Variants in PRAMEF2 observed in about 807,000 individuals in gnomAD.
PRAMEF2 encodes PRAME family member 2.
In PRAMEF2, 35 loss-of-function variants were observed where a neutral mutation model predicts 38.0. That is an observed-to-expected ratio of 0.92 (90% CI 0.70 to 1.22). The LOEUF (loss-of-function observed/expected upper bound fraction) is 1.22. Among genes scored for constraint, PRAMEF2 ranks in the 50% most tolerant of loss-of-function variants. PRAMEF2 has a pLI of 0.00. For missense variants in PRAMEF2, 562 were observed against 553.9 expected (o/e 1.01, Z -0.15); for synonymous variants, 240 against 232.4 (o/e 1.03, Z -0.30).
rs1437661761 is a variant in PRAMEF2, at chr1:12,859,114, C to G, written c.105C>G (p.Leu35=). Residue 35 remains leucine, a synonymous_variant, in exon 2 of 4, where the codon CTC becomes CTG. Coordinates refer to ENST00000240189, the MANE Select transcript of PRAMEF2 (RefSeq NM_023014.1). ...CCATGGAGGAGCTGCCCAGGGTGCT[C>G]TATCTCCCACTCTTCAGGGAGGCCT... ...ISAMEELPRV[L]YLPLFREAFS... is the part of the protein sequence containing the mutation. 2.5e-6 allele frequency: 4 copies of G among 1,606,352 alleles called. No individual in the cohort carries two copies. The highest frequency in any genetic ancestry group is 2.5e-6 in the Non-Finnish European group (3 of 1,176,740).
In PRAMEF2 at chr1:12,859,232, C is replaced by T. The variant is rs368053646; in HGVS notation, c.223C>T (p.Leu75=). Residue 75 remains leucine (L), a synonymous_variant, in exon 2 of 4, where the codon CTG becomes TTG. Coordinates refer to ENST00000240189, the MANE Select transcript of PRAMEF2 (RefSeq NM_023014.1). ...GGTATCGCTGATGAAGACGCTTCAT[C>T]TGGAGCCATTGAAAGCATTGCTGGA... ...PLVSLMKTLH[L]EPLKALLEGL... is the part of the protein sequence containing the mutation. 2 of 1,610,466 alleles carry T rather than the reference C, an allele frequency of 1.2e-6. No individual in the cohort carries two copies. The highest frequency in any genetic ancestry group is 1.7e-6 in the Non-Finnish European group (2 of 1,178,794).
In PRAMEF2 at chr1:12,860,139, A is replaced by G. The variant is rs115914708; in HGVS notation, c.734A>G (p.Tyr245Cys). The G allele has an allele frequency of 6.2e-7, 1 of 1,606,902 alleles. No homozygotes were observed. The highest frequency in any genetic ancestry group is 1.1e-5 in the South Asian group (1 of 90,508). ...CKLVFSRCHH[Y>C]TSDNELEGWL... is the part of the protein sequence containing the mutation. The stretch of plus-strand genomic sequence containing the variant: ...CTCGTTTTCTCCAGGTGCCATCATT[A>G]CACGTCAGATAATGAACTCGAGGGA... The change falls in exon 3 of 4, where the codon TAC becomes TGC. Residue 245 changes from tyrosine (Y) to cysteine (C), a missense_variant. Physicochemically the swap from Tyr to Cys is radical, Grantham distance 194. This residue lies in a region of PRAMEF2 where 486 missense variants were observed against 444.2 expected (regional missense o/e 1.09). Coordinates refer to ENST00000240189, the MANE Select transcript of PRAMEF2 (RefSeq NM_023014.1).
chr1:12,859,853 T>A lies in PRAMEF2; in HGVS notation c.448T>A (p.Phe150Ile). Residue 150 changes from phenylalanine to isoleucine, a missense_variant, in exon 3 of 4, where the codon TTC becomes ATC. By Grantham distance (21) the Phe-to-Ile change is conservative (BLOSUM62 0). Coordinates refer to ENST00000240189, the MANE Select transcript of PRAMEF2 (RefSeq NM_023014.1). The part of the protein sequence containing the change: ...RTGEHQPLKV[F>I]IDICLKEIPQ... ...GGGAGAGCACCAGCCCTTAAAGGTGTTCATAGACATCTGCCTCAAGGAAAT... is the reference window on the plus strand; with the variant it reads ...GGGAGAGCACCAGCCCTTAAAGGTGATCATAGACATCTGCCTCAAGGAAAT... 1 of 1,598,008 alleles carries A rather than the reference T, an allele frequency of 6.3e-7. No homozygotes were observed. Among genetic ancestry groups the A allele is most frequent in the Non-Finnish European group, 8.5e-7 (1 of 1,171,116 alleles).
At chr1:12,857,363 G>A (rs1190143154) in intron 1 of PRAMEF2, among the ~76,000 whole-genome samples, 3 of 149,172 alleles carry the variant, frequency 2.0e-5, no homozygotes, top group African/African-American at 7.4e-5. Flanking sequence ...TCTTATGGAA[G>A]CAGGTTTTTT....
rs1186878538 is a variant in PRAMEF2, at chr1:12,857,461, A to T, written c.-26+314A>T. 1.4e-5 allele frequency among the ~76,000 whole-genome samples: 2 copies of T among 145,968 alleles called. 1 individual carries two copies. The highest frequency in any genetic ancestry group is 3.0e-5 in the Non-Finnish European group (2 of 66,370). On this transcript the variant is annotated intron_variant, in intron 1 of 3. Transcript: ENST00000240189. ...TTTTTGTGCCTTTCAATTACAGTTC[A>T]TAGACTTGGTGTTATTGTGATCCTC...
intron 1 of PRAMEF2, 105 bp from the exon 2 acceptor site, chr1:12,858,880 G>A: frequency 7.5e-7 from 1 of 1,326,182 alleles, no homozygotes; most frequent in South Asian, 1.4e-5. Context: ...GGGTAAAGTG[G>A]TAATTTTTCT....
rs1485905712 is a variant in PRAMEF2, at chr1:12,858,029, A to G, written c.-26+882A>G. Among the ~76,000 whole-genome samples, 3 of 147,554 alleles carry G rather than the reference A, an allele frequency of 2.0e-5. 1 individual carries two copies. The highest frequency in any genetic ancestry group is 7.1e-5 in the Admixed American group (1 of 14,176). The stretch of plus-strand genomic sequence containing the variant: ...TAGCATTTCTATACATACCTTCCAA[A>G]TGCTGTGGAATACCATCACACCACT... On this transcript the variant is annotated intron_variant, in intron 1 of 3. Transcript: ENST00000240189.
Position 12,859,885 on chromosome 1 carries a change from G to A in PRAMEF2, c.480G>A (p.Gln160=). ...ACATCTGCCTCAAGGAAATACCCCAGGATGAATGCCTGAGATACCTCTTCC... is the reference window on the plus strand; with the variant it reads ...ACATCTGCCTCAAGGAAATACCCCAAGATGAATGCCTGAGATACCTCTTCC... ...FIDICLKEIP[Q]DECLRYLFQW... The change falls in exon 3 of 4, where the codon CAG becomes CAA. Residue 160 remains glutamine (Q), a synonymous_variant. Coordinates refer to ENST00000240189, the MANE Select transcript of PRAMEF2 (RefSeq NM_023014.1). The A allele has an allele frequency of 6.2e-7, 1 of 1,608,252 alleles. No individual in the cohort carries two copies. The highest frequency in any genetic ancestry group is 1.1e-5 in the South Asian group (1 of 90,840).
chr1:12,859,990 C>T lies in PRAMEF2; in HGVS notation c.585C>T (p.Leu195=). The T allele has an allele frequency of 1.2e-6, 2 of 1,607,622 alleles. 1 individual carries two copies. Among genetic ancestry groups the T allele is most frequent in the Non-Finnish European group, 1.7e-6 (2 of 1,176,828 alleles). The change falls in exon 3 of 4, where the codon CTC becomes CTT. Residue 195 remains leucine (L), a synonymous_variant. Transcript: ENST00000240189. The part of the protein sequence containing the change: ...LVNYLTPIKY[L]RKSLKIIYIN... ...ATTATCTAACGCCAATTAAATATCT[C>T]AGAAAGTCATTGAAAATAATATACA...
At chr1:12,860,844 T>C (rs1415797879) in intron 3 of PRAMEF2, among the ~76,000 whole-genome samples, 4 of 149,388 alleles carry the variant, frequency 2.7e-5, no homozygotes. Flanking sequence ...TGCAGGCATG[T>C]CAGGGAGCCC....
rs1187255986 is a variant in PRAMEF2, at chr1:12,860,094, A to G, written c.689A>G (p.Glu230Gly). ...AGAAAGCTTTATTGTTACCTGAAGG[A>G]GATGAAGACTCTTTGCAAACTCGTT... Reference protein sequence around the residue: ...LIRKLYCYLKEMKTLCKLVFS... With the variant: ...LIRKLYCYLKGMKTLCKLVFS... Residue 230 changes from glutamate to glycine, a missense_variant, in exon 3 of 4, where the codon GAG becomes GGG. Coordinates refer to ENST00000240189, the MANE Select transcript of PRAMEF2 (RefSeq NM_023014.1). 3.7e-6 allele frequency: 6 copies of G among 1,606,590 alleles called. No homozygotes were observed. Among genetic ancestry groups the G allele is most frequent in the Non-Finnish European group, 5.1e-6 (6 of 1,176,422 alleles).
At position 12,859,498 on chromosome 1, in the gene PRAMEF2, G is replaced by A. The variant is rs2179186; in HGVS notation, c.288-195G>A. Among the ~76,000 whole-genome samples, 12 of 151,038 alleles carry A rather than the reference G, an allele frequency of 7.9e-5. No homozygotes were observed. In the South Asian group the frequency reaches 2.1e-3, roughly 26 times the overall value. On this transcript the variant is annotated intron_variant, in intron 2 of 3. Transcript: ENST00000240189. Reference sequence around the variant, plus strand: ...AGGGTCCACTGTGGGAACAGAAGCCGGCCTTTACTCAGTGGAAGGTAAAGG... The same window carrying A: ...AGGGTCCACTGTGGGAACAGAAGCCAGCCTTTACTCAGTGGAAGGTAAAGG...
rs75838083 is a variant in PRAMEF2, at chr1:12,859,768, C to G, written c.363C>G (p.Ala121=). 5.9e-5 allele frequency: 94 copies of G among 1,605,872 alleles called. 2 individuals are homozygous for G. The East Asian group carries it at 1.9e-3, about 33-fold the overall frequency. The part of the protein sequence containing the change: ...NFWARWPGAW[A]LSCFPEAMSK... Reference sequence around the variant, plus strand: ...GGGCCAGATGGCCTGGAGCCTGGGCCCTGTCCTGCTTCCCAGAGGCCATGA... The same window carrying G: ...GGGCCAGATGGCCTGGAGCCTGGGCGCTGTCCTGCTTCCCAGAGGCCATGA... The change falls in exon 3 of 4, where the codon GCC becomes GCG. Residue 121 remains alanine, a synonymous_variant. Transcript: ENST00000240189.
intron 1 of PRAMEF2, among the ~76,000 whole-genome samples, chr1:12,858,227 C>T (rs1442727696): frequency 6.7e-6 from 1 of 150,066 alleles, no homozygotes; most frequent in East Asian, 2.0e-4. Flanking sequence ...TGCATGACCA[C>T]ACCTGGCTAA....
intron 3 of PRAMEF2, 32 bp downstream of exon 3, chr1:12,860,303 C>G: frequency 6.2e-7 from 1 of 1,603,856 alleles, no homozygotes; most frequent in Non-Finnish European, 8.5e-7. Context: ...TGTATGCAGA[C>G]CACAGCACAG....
chr1:12,860,819 CAGTT>C lies in PRAMEF2; in HGVS notation c.867-401_867-398del, dbSNP rs991430840. Among the ~76,000 whole-genome samples the C allele has an allele frequency of 2.0e-5, 3 of 149,992 alleles. 1 individual carries two copies. Among genetic ancestry groups the C allele is most frequent in the African/African-American group, 7.4e-5 (3 of 40,768 alleles). ...TAGGCGTGAGAGTGGTAAAAAGTGA[CAGTT>C]GGTTTGCAGATGCAGGCATGTCAGG... On this transcript the variant is annotated intron_variant, in intron 3 of 3. Coordinates refer to ENST00000240189, the MANE Select transcript of PRAMEF2 (RefSeq NM_023014.1).
intron 2 of PRAMEF2, 129 bp downstream of exon 2, chr1:12,859,425 G>A: frequency 5.2e-6 from 8 of 1,528,914 alleles, no homozygotes; most frequent in Non-Finnish European, 7.1e-6. Flanking sequence ...AGCTCAGGGA[G>A]GCTTTGGCCA....
Position 12,861,220 on chromosome 1 carries a change from G to C in PRAMEF2, c.867-1G>C. 2 of 1,606,262 alleles carry C rather than the reference G, an allele frequency of 1.2e-6. No individual in the cohort carries two copies. Among genetic ancestry groups the C allele is most frequent in the African/African-American group, 2.7e-5 (2 of 74,418 alleles). ...CAGAACTAACTTCTTGATCTCCACA[G>C]GTGCCTCCAGAACCCCTTGGAGAAC... On this transcript the variant is annotated splice_acceptor_variant, in intron 3 of 3. Coordinates refer to ENST00000240189, the MANE Select transcript of PRAMEF2 (RefSeq NM_023014.1). LOFTEE classifies it high-confidence loss of function.
chr1:12,858,929 T>A (rs1225765402), intron 1 of PRAMEF2, 56 bp from the exon 2 acceptor site: 1 of 1,481,080 alleles, frequency 6.8e-7, no homozygotes, highest in Admixed American at 2.1e-5. Flanking sequence ...TAGGAGAAGA[T>A]GAGGTGATTG....
Sources: allele counts gnomAD v4.1 joint callset (sites outside exome capture counted in the v4.1 genomes callset), GRCh38; gene constraint gnomAD v4.1.1; regional missense constraint gnomAD v4.1.1; transcripts MANE v1.5; gene names NCBI Gene and HGNC (gene_info 2026-07-23, HGNC 2026-07-21).